Variants in RYR3 observed in about 807,000 individuals in gnomAD.
RYR3 encodes ryanodine receptor 3, also known as brain ryanodine receptor-calcium release channel.
In RYR3, 207 loss-of-function variants were observed where a neutral mutation model predicts 584.3. That is an observed-to-expected ratio of 0.35 (90% CI 0.32 to 0.40). RYR3 has a LOEUF of 0.40. Ranked by LOEUF, RYR3 falls within the 10% of genes least tolerant of loss-of-function variation. The pLI, the probability that RYR3 is intolerant of heterozygous loss-of-function variation, is 1.00. For synonymous variants in RYR3, 2,416 were observed against 2,248.5 expected (o/e 1.07, Z -2.11); for missense variants, 5,616 against 6,089.2 (o/e 0.92, Z 2.59).
At chr15:33,808,631 G>C (rs963306227) in intron 70 of RYR3, among the ~76,000 whole-genome samples, 7 of 152,028 alleles carry the variant, frequency 4.6e-5, no homozygotes, top group African/African-American at 1.4e-4. Flanking sequence ...GGGTAATTTC[G>C]ACTATAAATG....
chr15:33,529,993 G>C (rs2054722339), intron 3 of RYR3, among the ~76,000 whole-genome samples: 1 of 152,110 alleles, frequency 6.6e-6, no homozygotes, highest in Admixed American at 6.5e-5. Context: ...TGCCTGGTGA[G>C]GCAGAGAAGA....
At chr15:33,370,515 C>T (rs773385672) in intron 1 of RYR3, among the ~76,000 whole-genome samples, 1 of 152,160 alleles carries the variant, frequency 6.6e-6, no homozygotes, top group Non-Finnish European at 1.5e-5. Flanking sequence ...AATGCTGACT[C>T]CCAGTTCTTG....
At chr15:33,768,953 A>C (rs1196164201) in intron 61 of RYR3, among the ~76,000 whole-genome samples, 159 bp from the exon 62 acceptor site, 5 of 152,210 alleles carry the variant, frequency 3.3e-5, no homozygotes, top group African/African-American at 1.2e-4. Context: ...AGGCTGTGTC[A>C]GGCTAGAAAT....
chr15:33,315,639 C>A (rs1348004432), intron 1 of RYR3, among the ~76,000 whole-genome samples: 1 of 152,222 alleles, frequency 6.6e-6, no homozygotes, highest in Non-Finnish European at 1.5e-5. Context: ...TGATTAAAGA[C>A]CCATATCAGC....
intron 89 of RYR3, among the ~76,000 whole-genome samples, chr15:33,839,449 T>C (rs569365255): frequency 6.6e-6 from 1 of 152,316 alleles, no homozygotes; most frequent in South Asian, 2.1e-4. Flanking sequence ...AGTTAGTACT[T>C]CATGTCAGTC....
At chr15:33,385,343 C>T (rs2041514199) in intron 1 of RYR3, among the ~76,000 whole-genome samples, 1 of 152,096 alleles carries the variant, frequency 6.6e-6, no homozygotes, top group Non-Finnish European at 1.5e-5. Flanking sequence ...TTGCTAACAA[C>T]AGAGAAAATG....
At chr15:33,855,807 C>T (rs2079597458) in intron 98 of RYR3, 1 of 152,078 alleles carries the variant, frequency 6.6e-6, no homozygotes, top group South Asian at 2.1e-4. Flanking sequence ...ATATGGAAGA[C>T]TGGATATTGA....
intron 36 of RYR3, among the ~76,000 whole-genome samples, chr15:33,668,751 C>A (rs2063638904): frequency 6.6e-6 from 1 of 152,016 alleles, no homozygotes; most frequent in South Asian, 2.1e-4. Context: ...TATAAAAAAA[C>A]ATTAAAATAT....
chr15:33,562,731 A>C (rs868150306), intron 10 of RYR3, 106 bp from the exon 11 acceptor site: 2 of 734,732 alleles, frequency 2.7e-6, no homozygotes, highest in African/African-American at 1.8e-5. Flanking sequence ...TATTTTGGTA[A>C]CCAGTTGCCT....
At chr15:33,604,049 C>T (rs893214325) in intron 18 of RYR3, among the ~76,000 whole-genome samples, 1 of 152,200 alleles carries the variant, frequency 6.6e-6, no homozygotes, top group African/African-American at 2.4e-5. Flanking sequence ...GATTAACTCT[C>T]AGGCTTTCAT....
At chr15:33,392,068 A>G (rs1421203393) in intron 1 of RYR3, among the ~76,000 whole-genome samples, 1 of 152,016 alleles carries the variant, frequency 6.6e-6, no homozygotes, top group Non-Finnish European at 1.5e-5. Context: ...GCACCTATCA[A>G]TTAGATGCTT....
At chr15:33,398,345 C>T (rs1163604586) in intron 1 of RYR3, among the ~76,000 whole-genome samples, 2 of 152,128 alleles carry the variant, frequency 1.3e-5, no homozygotes, top group African/African-American at 2.4e-5. Context: ...GTAAGCAGTG[C>T]GAGGAACTCC....
chr15:33,361,436 G>T (rs1166273591), intron 1 of RYR3, among the ~76,000 whole-genome samples: 1 of 152,204 alleles, frequency 6.6e-6, no homozygotes, highest in East Asian at 1.9e-4. Context: ...GGTAGAAAGT[G>T]CATGGCAGCA....
intron 55 of RYR3, 47 bp downstream of exon 55, chr15:33,748,577 A>G (rs755718549): frequency 1.4e-5 from 20 of 1,468,076 alleles, no homozygotes; most frequent in Non-Finnish European, 1.7e-5. Context: ...TGCAGGACGC[A>G]TTACCTTCCA....
At chr15:33,693,439 C>T (rs546004943) in intron 38 of RYR3, among the ~76,000 whole-genome samples, 11 of 152,242 alleles carry the variant, frequency 7.2e-5, no homozygotes, top group Admixed American at 2.6e-4. Flanking sequence ...GGGGCTACAG[C>T]GGCTGTGCAC....
intron 26 of RYR3, 105 bp from the exon 27 acceptor site, chr15:33,636,271 A>T: frequency 1.0e-6 from 1 of 976,306 alleles, no homozygotes; most frequent in South Asian, 1.5e-5. Context: ...CCTAGAAATC[A>T]TGTAACCACT....
At chr15:33,415,870 C>T (rs1311216893) in intron 1 of RYR3, among the ~76,000 whole-genome samples, 1 of 152,128 alleles carries the variant, frequency 6.6e-6, no homozygotes, top group Non-Finnish European at 1.5e-5. Context: ...TCATCCCTCC[C>T]TCCCTCTTTT....
In RYR3 at chr15:33,854,432, G is replaced by A; in HGVS notation, c.13843G>A (p.Val4615Ile). The A allele has an allele frequency of 6.3e-7, 1 of 1,575,624 alleles. No homozygotes were observed. The highest frequency in any genetic ancestry group is 8.6e-7 in the Non-Finnish European group (1 of 1,159,420). Residue 4615 changes from valine to isoleucine, a missense_variant, in exon 97 of 104, where the codon GTT becomes ATT. Physicochemically the swap from Val to Ile is conservative, Grantham distance 29. Around this residue, in one of 9 missense-constraint regions of RYR3, gnomAD observed 918 missense variants for 887.4 expected, o/e 1.03. Transcript: ENST00000634891. ...GAAGTACCATATCTGGAAGCTTGGA[G>A]TTGTTTTTACTGACAACGTAAGTAC... ...DMKYHIWKLG[V>I]VFTDNSFLYL...
At chr15:33,847,390 G>A (rs541378837) in intron 93 of RYR3, among the ~76,000 whole-genome samples, 1 of 152,334 alleles carries the variant, frequency 6.6e-6, no homozygotes, top group South Asian at 2.1e-4. Flanking sequence ...AAGGTCTCAA[G>A]GATGTTGCCA....
Sources: allele counts gnomAD v4.1 joint callset (sites outside exome capture counted in the v4.1 genomes callset), GRCh38; gene constraint gnomAD v4.1.1; regional missense constraint gnomAD v4.1.1; transcripts MANE v1.5; gene names NCBI Gene and HGNC (gene_info 2026-07-23, HGNC 2026-07-21).